VPS45: variants seen among roughly 807,000 people sequenced by gnomAD.
VPS45 encodes the protein vacuolar protein sorting-associated protein 45.
Under a neutral mutation model 75.9 loss-of-function variants are expected in VPS45, and 35 were observed. The ratio of observed to expected loss-of-function variants is 0.46; its 90% CI spans 0.35 to 0.61. VPS45 has a LOEUF of 0.61. Among genes scored for constraint, VPS45 ranks in the 20% least tolerant of loss-of-function variants. The pLI, the probability that VPS45 is intolerant of heterozygous loss-of-function variation, is 0.00. For synonymous variants in VPS45, 220 were observed against 238.2 expected (o/e 0.92, Z 0.70); for missense variants, 559 against 685.9 (o/e 0.81, Z 2.07).
At chr1:150,082,398 C>T (rs1404729971) in intron 9 of VPS45, among the ~76,000 whole-genome samples, 8 of 151,144 alleles carry the variant, frequency 5.3e-5, no homozygotes, top group African/African-American at 1.7e-4. Flanking sequence ...CCCAGCTACT[C>T]GGGAGGCTGA....
intron 14 of VPS45, among the ~76,000 whole-genome samples, chr1:150,125,569 A>G (rs1237271196): frequency 2.2e-5 from 3 of 133,568 alleles, no homozygotes; most frequent in Admixed American, 8.0e-5. Context: ...CAAACACCAC[A>G]TGTTCTCACT....
intron 8 of VPS45, 102 bp from the exon 9 acceptor site, chr1:150,081,782 C>A: frequency 1.3e-6 from 1 of 742,928 alleles, no homozygotes; most frequent in Non-Finnish European, 2.2e-6. Context: ...ATAGAATTTC[C>A]CTGCCCTTCA....
At chr1:150,142,835 T>G in intron 14 of VPS45, 1 of 450,464 alleles carries the variant, frequency 2.2e-6, no homozygotes, top group Non-Finnish European at 4.4e-6. Context: ...GTATTTTTTA[T>G]AGAGATGGGG....
Position 150,110,619 on chromosome 1 carries a change from C to A in VPS45, c.1617C>A (p.Asn539Lys). ...RIVLGGTTVH[N>K]TKSFLEEVLA... ...TCCTGGGAGGCACCACAGTGCACAACACGAAAAGGTAAAAGAGAACATTCA... is the reference window on the plus strand; with the variant it reads ...TCCTGGGAGGCACCACAGTGCACAAAACGAAAAGGTAAAAGAGAACATTCA... The change falls in exon 14 of 15, where the codon AAC becomes AAA. Residue 539 changes from asparagine (N) to lysine (K), a missense_variant. Physicochemically the swap from Asn to Lys is moderately conservative, Grantham distance 94. Coordinates refer to ENST00000644510, the MANE Select transcript of VPS45 (RefSeq NM_007259.5). 4 of 1,609,082 alleles carry A rather than the reference C, an allele frequency of 2.5e-6. No individual in the cohort carries two copies. The highest frequency in any genetic ancestry group is 3.4e-6 in the Non-Finnish European group (4 of 1,177,388).
chr1:150,110,318 C>T (rs1657574757), intron 13 of VPS45, 178 bp from the exon 14 acceptor site: 2 of 550,252 alleles, frequency 3.6e-6, no homozygotes, highest in Non-Finnish European at 3.1e-6. Flanking sequence ...GCATTTCCTG[C>T]TCTGTTTCCT....
chr1:150,130,315 A>C (rs976898582), intron 14 of VPS45, among the ~76,000 whole-genome samples: 1 of 144,792 alleles, frequency 6.9e-6, no homozygotes, highest in Non-Finnish European at 1.5e-5. Context: ...CATCCTCCCG[A>C]GTAGCTGGGA....
At chr1:150,140,782 C>T (rs1452988306) in intron 14 of VPS45, among the ~76,000 whole-genome samples, 1 of 152,168 alleles carries the variant, frequency 6.6e-6, no homozygotes, top group Non-Finnish European at 1.5e-5. Context: ...CTAAAAGCTT[C>T]ATAAGCTTGC....
At chr1:150,136,177 A>G (rs1285689625) in intron 14 of VPS45, among the ~76,000 whole-genome samples, 1 of 143,592 alleles carries the variant, frequency 7.0e-6, no homozygotes, top group Admixed American at 7.2e-5. Context: ...TGAACCTGGG[A>G]GGCAGGGATT....
At chr1:150,067,591 C>T, upstream of VPS45, 2 of 466,070 alleles carry the variant, frequency 4.3e-6, no homozygotes, top group South Asian at 3.7e-5. Flanking sequence ...GGGCCTCAGG[C>T]ATCTTCAGGC....
In VPS45 at chr1:150,139,996, C is replaced by T. The variant is rs587718401; in HGVS notation, c.1626-4713C>T. Among the ~76,000 whole-genome samples the T allele has an allele frequency of 7.2e-5, 11 of 152,196 alleles. No homozygotes were observed. In the South Asian group the frequency reaches 1.2e-3, roughly 17 times the overall value. On this transcript the variant is annotated intron_variant, in intron 14 of 14. Coordinates refer to ENST00000644510, the MANE Select transcript of VPS45 (RefSeq NM_007259.5). ...GTAACCTCCGCCTCCCAGGTTCAAACGATTCTTGTGCCTCAGCCTCCCAAG... is the reference window on the plus strand; with the variant it reads ...GTAACCTCCGCCTCCCAGGTTCAAATGATTCTTGTGCCTCAGCCTCCCAAG...
chr1:150,123,897 TAGAA>T (rs1480304538), intron 14 of VPS45, among the ~76,000 whole-genome samples: 2 of 152,178 alleles, frequency 1.3e-5, no homozygotes, highest in South Asian at 4.1e-4. Flanking sequence ...TTTTGACAAA[TAGAA>T]AGACATATCC....
At chr1:150,090,597 T>C (rs1198632526) in intron 10 of VPS45, among the ~76,000 whole-genome samples, 2 of 152,094 alleles carry the variant, frequency 1.3e-5, no homozygotes, top group African/African-American at 4.8e-5. Flanking sequence ...TAGTAACAAT[T>C]ATAATAAAAA....
chr1:150,092,837 C>CTTTTTTTTTTTTTTTTTTTTT (rs11451750), intron 12 of VPS45, among the ~76,000 whole-genome samples: 1 of 94,452 alleles, frequency 1.1e-5, no homozygotes, highest in Non-Finnish European at 1.9e-5. Flanking sequence ...GCTAGCCTTT[C>CTTTTTTTTTTTTTTTTTTTTT]TTTTTTTTTT....
Position 150,111,349 on chromosome 1 carries a change from T to C in VPS45, c.1625+722T>C, listed in dbSNP as rs587714602. Among the ~76,000 whole-genome samples the C allele has an allele frequency of 2.6e-5, 4 of 152,288 alleles. No homozygotes were observed. The South Asian group carries it at 8.3e-4, about 32-fold the overall frequency. ...CAAGTTATAAAAGCTGTAGGCAACATACATACACAAAGAACAGCAAATAGT... is the reference window on the plus strand; with the variant it reads ...CAAGTTATAAAAGCTGTAGGCAACACACATACACAAAGAACAGCAAATAGT... On this transcript the variant is annotated intron_variant, in intron 14 of 14. Transcript: ENST00000644510.
In VPS45 at chr1:150,077,725, A is replaced by C. The variant is rs1553798440; in HGVS notation, c.633A>C (p.Pro211=). 1 of 1,614,106 alleles carries C rather than the reference A, an allele frequency of 6.2e-7. No individual in the cohort carries two copies. Among genetic ancestry groups the C allele is most frequent in the Non-Finnish European group, 8.5e-7 (1 of 1,179,972 alleles). ...LFEFRRTEVP[P]LLLILDRCDD... is the part of the protein sequence containing the mutation. ...AATTCCGTCGGACAGAGGTTCCTCC[A>C]TTGCTCCTTATTTTAGATCGCTGTG... The change falls in exon 7 of 15, where the codon CCA becomes CCC. Residue 211 remains proline, a synonymous_variant. Transcript: ENST00000644510.
At position 150,067,828 on chromosome 1, in the gene VPS45, G is replaced by A; in HGVS notation, c.-30G>A. The A allele has an allele frequency of 6.2e-7, 1 of 1,609,202 alleles. No homozygotes were observed. Among genetic ancestry groups the A allele is most frequent in the Non-Finnish European group, 8.5e-7 (1 of 1,175,946 alleles). ...ATTTAGCCAGAAAAGGGGGCGGGAA[G>A]GGCTGTAGGGTACTTGTCAATTCGC... is the stretch of plus-strand genomic sequence containing the variant. On this transcript the variant is annotated 5_prime_UTR_variant, in exon 1 of 15. Coordinates refer to ENST00000644510, the MANE Select transcript of VPS45 (RefSeq NM_007259.5).
intron 13 of VPS45, among the ~76,000 whole-genome samples, chr1:150,097,815 C>A (rs901678083): frequency 3.3e-5 from 5 of 151,910 alleles, no homozygotes; most frequent in Non-Finnish European, 5.9e-5. Flanking sequence ...TATATTTTCA[C>A]AAGCACATAT....
At chr1:150,112,172 T>A (rs1553807307) in intron 14 of VPS45, among the ~76,000 whole-genome samples, 1 of 152,114 alleles carries the variant, frequency 6.6e-6, no homozygotes, top group Non-Finnish European at 1.5e-5. Context: ...AATAATTTTT[T>A]TAATTCTATT....
In VPS45 at chr1:150,082,870, C is replaced by T; in HGVS notation, c.1091C>T (p.Ser364Phe). The T allele has an allele frequency of 1.2e-6, 2 of 1,613,872 alleles. No homozygotes were observed. The highest frequency in any genetic ancestry group is 1.7e-6 in the Non-Finnish European group (2 of 1,179,854). ...EQELACQNDH[S>F]SALQNIKRLL... is the part of the protein sequence containing the mutation. The stretch of plus-strand genomic sequence containing the variant: ...GAACTGGCCTGTCAAAATGACCATT[C>T]TAGTGCTCTCCAGGTCAGTCCAATT... Residue 364 changes from serine (S) to phenylalanine (F), a missense_variant, in exon 10 of 15, where the codon TCT (serine) becomes TTT (phenylalanine). Ser to Phe is a radical substitution (Grantham distance 155, BLOSUM62 -2). Transcript: ENST00000644510.
Sources: allele counts gnomAD v4.1 joint callset (sites outside exome capture counted in the v4.1 genomes callset), GRCh38; gene constraint gnomAD v4.1.1; transcripts MANE v1.5; gene names NCBI Gene and HGNC (gene_info 2026-07-23, HGNC 2026-07-21).